The following TSNARE1 variants were observed in gnomAD, a reference collection of about 807,000 sequenced individuals.
The protein encoded by TSNARE1 is t-SNARE domain containing 1.
A neutral mutation model predicts 62.0 loss-of-function variants in TSNARE1; 49 were observed. The ratio of observed to expected loss-of-function variants is 0.79; its 90% CI spans 0.63 to 1.00. The LOEUF is 1.00. Ranked by LOEUF, TSNARE1 falls within the 50% of genes least tolerant of loss-of-function variation. TSNARE1 has a pLI of 0.00. For synonymous variants in TSNARE1, 328 were observed against 294.4 expected, an observed-to-expected ratio of 1.11 and a Z score of -1.17; for missense variants, 755 against 700.1, an observed-to-expected ratio of 1.08 and a Z score of -0.88.
At chr8:142,238,729 G>GCCCCTGCACGCCCA (rs1817552794) in intron 12 of TSNARE1, among the ~76,000 whole-genome samples, 1 of 97,954 alleles carries the variant, frequency 1.0e-5, no homozygotes, top group East Asian at 2.7e-4. Flanking sequence ...CTGCACACCC[G>GCCCCTGCACGCCCA]CCCCTGCACG....
At chr8:142,275,307 A>T (rs891193091) in intron 11 of TSNARE1, 9 of 985,332 alleles carry the variant, frequency 9.1e-6, no homozygotes, top group Non-Finnish European at 1.1e-5. Context: ...CCGGGTCTGC[A>T]AGCACAGGGC....
chr8:142,271,489 C>T lies in TSNARE1; in HGVS notation c.1446+3292G>A, dbSNP rs550428068. ...TGGAGGGCAAGGGAGGTGCTGGCGCCGAAGAGGGCGGGGAAGGCTGGAAGG... is the reference window on the plus strand; with the variant it reads ...TGGAGGGCAAGGGAGGTGCTGGCGCTGAAGAGGGCGGGGAAGGCTGGAAGG... On this transcript the variant is annotated intron_variant, in intron 12 of 13. Transcript: ENST00000524325. 1.1e-5 allele frequency: 14 copies of T among 1,293,686 alleles called. No homozygotes were observed. In the Admixed American group the frequency reaches 4.0e-4, roughly 37 times the overall value. The allele number at this position is 1,293,686 out of a possible 1,614,324, so 80.1% of individuals were successfully genotyped here.
intron 1 of TSNARE1, among the ~76,000 whole-genome samples, chr8:142,374,491 A>G (rs1836170718): frequency 1.3e-5 from 2 of 151,572 alleles, no homozygotes; most frequent in African/African-American, 4.9e-5. Flanking sequence ...ATCCTGGCTA[A>G]CATGGTGAAA....
intron 10 of TSNARE1, among the ~76,000 whole-genome samples, chr8:142,288,173 C>CCGG (rs1257275338): frequency 6.6e-6 from 1 of 152,206 alleles, no homozygotes; most frequent in Non-Finnish European, 1.5e-5. Flanking sequence ...CTGAGCAAGG[C>CCGG]CGGGTCCAGT....
Position 142,259,648 on chromosome 8 carries a change from C to T in TSNARE1, c.1446+15133G>A, listed in dbSNP as rs559964182. Among the ~76,000 whole-genome samples, 7 of 152,338 alleles carry T rather than the reference C, an allele frequency of 4.6e-5. No individual in the cohort carries two copies. The South Asian group carries it at 1.2e-3, about 27-fold the overall frequency. On this transcript the variant is annotated intron_variant, in intron 12 of 13. Coordinates refer to ENST00000524325, the MANE Select transcript of TSNARE1 (RefSeq NM_145003.5). The stretch of plus-strand genomic sequence containing the variant: ...CTTGGCCTCCCAATTAAAAGGCAGC[C>T]TCCTTCGCCCCGGACACAGGCCCAC...
At position 142,271,477 on chromosome 8, in the gene TSNARE1, AGGT is replaced by A. The variant is rs1819535207; in HGVS notation, c.1446+3301_1446+3303del. 2.0e-5 allele frequency: 26 copies of A among 1,278,988 alleles called. No homozygotes were observed. The East Asian group carries it at 8.2e-4, about 41-fold the overall frequency. 79.2% of individuals were successfully genotyped at this position (1,278,988 alleles called of 1,614,324 possible). ...CTGGGGTCCTCCTGGAGGGCAAGGG[AGGT>A]GCTGGCGCCGAAGAGGGCGGGGAAG... On this transcript the variant is annotated intron_variant, in intron 12 of 13. Coordinates refer to ENST00000524325, the MANE Select transcript of TSNARE1 (RefSeq NM_145003.5).
chr8:142,262,579 G>A lies in TSNARE1; in HGVS notation c.1446+12202C>T, dbSNP rs146509056. Among the ~76,000 whole-genome samples, 33 of 152,262 alleles carry A rather than the reference G, an allele frequency of 2.2e-4. No individual in the cohort carries two copies. The East Asian group carries it at 6.4e-3, about 29-fold the overall frequency. ...GCCTGGTGGGAGGTGCCTGGATCAT[G>A]AGGGCCGGTTTCTCACGGTTTAATG... On this transcript the variant is annotated intron_variant, in intron 12 of 13. Coordinates refer to ENST00000524325, the MANE Select transcript of TSNARE1 (RefSeq NM_145003.5).
Position 142,330,956 on chromosome 8 carries a change from G to T in TSNARE1, c.838C>A (p.Arg280=). 6.2e-7 allele frequency: 1 copy of T among 1,614,026 alleles called. No homozygotes were observed. The highest frequency in any genetic ancestry group is 8.5e-7 in the Non-Finnish European group (1 of 1,179,954). The change falls in exon 6 of 14, where the codon CGG becomes AGG. Residue 280 remains arginine, a synonymous_variant. Coordinates refer to ENST00000524325, the MANE Select transcript of TSNARE1 (RefSeq NM_145003.5). The stretch of plus-strand genomic sequence containing the variant: ...GGTGTCCCTAAGGACTGAAGGCTCC[G>T]CTCCAAGGAGGTCACTGCCCGAGAG... ...RINSSVTSLE[R]SLQSLGTPSD...
chr8:142,240,562 A>C (rs1356266783), intron 12 of TSNARE1, among the ~76,000 whole-genome samples: 1 of 152,226 alleles, frequency 6.6e-6, no homozygotes, highest in Non-Finnish European at 1.5e-5. Flanking sequence ...CTCAGGCACA[A>C]ATGGAACATT....
At chr8:142,341,726 T>C (rs980044077) in intron 4 of TSNARE1, among the ~76,000 whole-genome samples, 4 of 152,160 alleles carry the variant, frequency 2.6e-5, no homozygotes, top group African/African-American at 9.7e-5. Context: ...CAGGCTGCAA[T>C]GAGCCCTCCT....
At chr8:142,403,752 G>A (rs183344962), upstream of TSNARE1, 10 of 152,360 alleles carry the variant, frequency 6.6e-5, no homozygotes, top group East Asian at 1.7e-3. Context: ...CTTTGCCCGA[G>A]GTCGCAGCCC....
At position 142,235,191 on chromosome 8, in the gene TSNARE1, C is replaced by T. The variant is rs568719559; in HGVS notation, c.1447-5612G>A. ...GGTCCAGAGAAGGACGTGACTCACC[C>T]AGGATACCCGCAGGCCCCAGAGAAG... is the stretch of plus-strand genomic sequence containing the variant. On this transcript the variant is annotated intron_variant, in intron 12 of 13. Transcript: ENST00000524325. Among the ~76,000 whole-genome samples, 30 of 151,260 alleles carry T rather than the reference C, an allele frequency of 2.0e-4. 1 individual carries two copies. The South Asian group carries it at 6.1e-3, about 31-fold the overall frequency.
intron 9 of TSNARE1, among the ~76,000 whole-genome samples, chr8:142,306,903 A>AT (rs1216577873): frequency 6.6e-6 from 1 of 152,212 alleles, no homozygotes; most frequent in Non-Finnish European, 1.5e-5. Context: ...AAGGAAACAC[A>AT]TCCCAGCCAA....
intron 13 of TSNARE1, among the ~76,000 whole-genome samples, chr8:142,223,340 A>ATTCACTCACTCG (rs1554624450): frequency 7.8e-6 from 1 of 128,430 alleles, no homozygotes; most frequent in Non-Finnish European, 1.8e-5. Context: ...TCGTTCACTC[A>ATTCACTCACTCG]TTCACTCATT....
At chr8:142,289,611 G>A (rs1233447767) in intron 10 of TSNARE1, among the ~76,000 whole-genome samples, 1 of 152,178 alleles carries the variant, frequency 6.6e-6, no homozygotes, top group Non-Finnish European at 1.5e-5. Flanking sequence ...CCCTGGCCCT[G>A]AGGCCTGCAC....
At chr8:142,382,167 G>C (rs1354890789) in intron 1 of TSNARE1, among the ~76,000 whole-genome samples, 3 of 151,826 alleles carry the variant, frequency 2.0e-5, no homozygotes, top group Non-Finnish European at 2.9e-5. Flanking sequence ...GTGTGCGACA[G>C]AGAGCCAGAG....
At chr8:142,385,912 G>A (rs868433652) in intron 1 of TSNARE1, among the ~76,000 whole-genome samples, 9 of 152,118 alleles carry the variant, frequency 5.9e-5, no homozygotes, top group East Asian at 1.9e-4. Flanking sequence ...AAAATAACTC[G>A]GATTGCAGGA....
At chr8:142,236,013 C>A (rs1817397730) in intron 12 of TSNARE1, among the ~76,000 whole-genome samples, 1 of 152,156 alleles carries the variant, frequency 6.6e-6, no homozygotes, top group Non-Finnish European at 1.5e-5. Flanking sequence ...CCAATTAGCC[C>A]CAGGCTGTGC....
At chr8:142,278,283 G>T in intron 11 of TSNARE1, 2 of 985,450 alleles carry the variant, frequency 2.0e-6, no homozygotes, top group Non-Finnish European at 2.4e-6. Flanking sequence ...CTCATGCACC[G>T]CTGTGAGCAG....
Sources: gnomAD v4.1 joint callset for allele counts (sites outside exome capture counted in the v4.1 genomes callset) on GRCh38, gnomAD v4.1.1 for gene constraint, MANE v1.5 for transcripts, NCBI Gene and HGNC (gene_info 2026-07-23, HGNC 2026-07-21) for gene names.